Variants in KHDC1 observed in about 807,000 individuals in gnomAD.
The protein encoded by KHDC1 is KH domain containing 1.
In KHDC1, 21 loss-of-function variants were observed where a neutral mutation model predicts 24.7. That is an observed-to-expected ratio of 0.85 (90% CI 0.60 to 1.23). The LOEUF (loss-of-function observed/expected upper bound fraction) is 1.23. Ranked by LOEUF, KHDC1 falls within the 50% of genes most tolerant of loss-of-function variation. The probability of loss-of-function intolerance (pLI) is 0.00; values close to 1 mark genes in which losing one functional copy is unlikely to be tolerated. For missense variants in KHDC1, 274 were observed against 298.5 expected, an observed-to-expected ratio of 0.92 and a Z score of 0.61; for synonymous variants, 98 against 111.7, an observed-to-expected ratio of 0.88 and a Z score of 0.77.
At chr6:73,289,740 C>T (rs1293543802) in intron 2 of KHDC1, among the ~76,000 whole-genome samples, 1 of 151,948 alleles carries the variant, frequency 6.6e-6, no homozygotes, top group Non-Finnish European at 1.5e-5. Flanking sequence ...GTGGGGCAGA[C>T]CACAAGGTCA....
chr6:73,294,476 C>T (rs1767723862), intron 1 of KHDC1, among the ~76,000 whole-genome samples: 1 of 152,056 alleles, frequency 6.6e-6, no homozygotes, highest in African/African-American at 2.4e-5. Context: ...TGTAGCATCC[C>T]GTATTAACAG....
intron 2 of KHDC1, chr6:73,268,551 A>G (rs1332872376): frequency 3.9e-5 from 6 of 152,136 alleles, no homozygotes; most frequent in African/African-American, 1.5e-4. Flanking sequence ...TCTGTTTTGG[A>G]CAGGGCGCTG....
At chr6:73,291,167 C>T in intron 2 of KHDC1, 1 of 494,954 alleles carries the variant, frequency 2.0e-6, no homozygotes, top group South Asian at 1.5e-5. Context: ...TCAGCAGTTC[C>T]CTACTGAAGA....
chr6:73,254,892 C>G (rs540308862), intron 2 of KHDC1, among the ~76,000 whole-genome samples: 1 of 152,018 alleles, frequency 6.6e-6, no homozygotes, highest in East Asian at 1.9e-4. Flanking sequence ...GTCCTAGCTA[C>G]TCGGGAGGCT....
intron 2 of KHDC1, among the ~76,000 whole-genome samples, chr6:73,250,499 CACA>C (rs1766759248): frequency 2.0e-5 from 3 of 152,228 alleles, no homozygotes; most frequent in African/African-American, 4.8e-5. Flanking sequence ...AGGAAGCCAA[CACA>C]AGGTGGAAAG....
chr6:73,251,322 A>C (rs1226382743), intron 2 of KHDC1, among the ~76,000 whole-genome samples: 1 of 152,224 alleles, frequency 6.6e-6, no homozygotes, highest in Non-Finnish European at 1.5e-5. Context: ...AAATCCTATT[A>C]ATACAACTAG....
At chr6:73,310,066 G>A (rs1394036556) in exon 1 of KHDC1, 1 of 239,942 alleles carries the variant, frequency 4.2e-6, no homozygotes, top group Non-Finnish European at 8.1e-6. Context: ...ACTGAACTGA[G>A]GGCGTGACCA....
chr6:73,243,250 C>A (rs1178874949), intron 2 of KHDC1, among the ~76,000 whole-genome samples: 2 of 152,142 alleles, frequency 1.3e-5, no homozygotes, highest in African/African-American at 2.4e-5. Flanking sequence ...CACTGAGCAA[C>A]CTTGACTGGT....
intron 4 of KHDC1, 92 bp from the exon 4 acceptor site, chr6:73,241,820 A>T: frequency 7.2e-7 from 1 of 1,389,512 alleles, no homozygotes; most frequent in South Asian, 1.3e-5. Context: ...TGCAGGGAGG[A>T]TGTCACCCCA....
rs1300634016 is a variant in KHDC1, at chr6:73,264,812, G to C, written c.207-22282C>G. Among the ~76,000 whole-genome samples, 3 of 152,306 alleles carry C rather than the reference G, an allele frequency of 2.0e-5. No individual in the cohort carries two copies. In the East Asian group the frequency reaches 5.8e-4, roughly 29 times the overall value. ...CAGAGTCAAAAACCTGGAATGGTTT[G>C]CTTCAAAGACTGGATGCTGCCTAAT... On this transcript the variant is annotated intron_variant, in intron 2 of 4. Coordinates refer to ENST00000370384, the Ensembl canonical transcript of KHDC1.
Position 73,241,362 on chromosome 6 carries a change from T to C in KHDC1, c.*167A>G. On this transcript the variant is annotated 3_prime_UTR_variant, in exon 5 of 5. Coordinates refer to ENST00000370384, the Ensembl canonical transcript of KHDC1. ...TATTGGATTGCTTTGCCAATAACAC[T>C]TTCTTACATTCAAGAGACTTCCCTC... is the stretch of plus-strand genomic sequence containing the variant. 1.8e-5 allele frequency: 11 copies of C among 627,490 alleles called. No homozygotes were observed. In the South Asian group the frequency reaches 1.9e-4, roughly 11 times the overall value. 38.9% of individuals were successfully genotyped at this position (627,490 alleles called of 1,614,324 possible).
intron 1 of KHDC1, among the ~76,000 whole-genome samples, chr6:73,304,173 C>T (rs926959437): frequency 4.0e-5 from 6 of 149,992 alleles, no homozygotes; most frequent in Admixed American, 3.3e-4. Flanking sequence ...AGCAAGACTC[C>T]ATCTCAAAAA....
rs186941657 is a variant in KHDC1, at chr6:73,241,557, C to T, written c.686G>A (p.Gly229Asp). 5.6e-4 allele frequency: 898 copies of T among 1,614,100 alleles called. No individual in the cohort carries two copies. Among genetic ancestry groups the T allele is most frequent in the Non-Finnish European group, 7.1e-4 (833 of 1,180,016 alleles). Residue 229 changes from glycine (G) to aspartate (D), a missense_variant, in exon 5 of 5, where the codon GGT becomes GAT. Transcript: ENST00000370384. ...CGGATACAGTGAACTCAAATGGAAA[C>T]CCGAACAACCAATCACTTGGTAAGG...
At chr6:73,304,472 AAT>A (rs1767926956) in intron 1 of KHDC1, among the ~76,000 whole-genome samples, 1 of 152,106 alleles carries the variant, frequency 6.6e-6, no homozygotes, top group Non-Finnish European at 1.5e-5. Context: ...TATTTTTATA[AAT>A]ATATGTAATA....
exon 5 of KHDC1, chr6:73,241,385 C>A: frequency 1.4e-6 from 1 of 716,078 alleles, no homozygotes; most frequent in East Asian, 2.5e-5. Flanking sequence ...AGAGACTTCC[C>A]TCAGACATGT....
intron 1 of KHDC1, among the ~76,000 whole-genome samples, chr6:73,308,276 G>A (rs973778091): frequency 5.1e-4 from 78 of 151,692 alleles, no homozygotes; most frequent in African/African-American, 1.7e-3. Context: ...GGGTTTCACC[G>A]TGTTAGCCAG....
chr6:73,257,925 T>C (rs180723192), intron 2 of KHDC1, among the ~76,000 whole-genome samples: 2 of 152,082 alleles, frequency 1.3e-5, no homozygotes, highest in African/African-American at 2.4e-5. Context: ...CTGGGCAACA[T>C]AGTGATACTT....
chr6:73,304,531 G>C (rs1175150230), intron 1 of KHDC1, among the ~76,000 whole-genome samples: 4 of 152,084 alleles, frequency 2.6e-5, no homozygotes, highest in Non-Finnish European at 4.4e-5. Flanking sequence ...GAACTCCTGG[G>C]CTCCAGAGAT....
At chr6:73,278,009 GTTTTTTTTTT>G (rs70994182) in intron 2 of KHDC1, among the ~76,000 whole-genome samples, 8 of 106,332 alleles carry the variant, frequency 7.5e-5, no homozygotes, top group Admixed American at 4.1e-4. Flanking sequence ...TCTCTCGGGT[GTTTTTTTTTT>G]TTTTTTTTTT....
Sources: gnomAD v4.1 joint callset for allele counts (sites outside exome capture counted in the v4.1 genomes callset) on GRCh38, gnomAD v4.1.1 for gene constraint, MANE v1.5 for transcripts, NCBI Gene and HGNC (gene_info 2026-07-23, HGNC 2026-07-21) for gene names.